The following TGFB2 variants were observed in gnomAD, a reference collection of about 807,000 sequenced individuals.
TGFB2 encodes the protein transforming growth factor beta-2 proprotein.
A neutral mutation model predicts 42.7 loss-of-function variants in TGFB2; 13 were observed. The ratio of observed to expected loss-of-function variants is 0.30; its 90% CI spans 0.20 to 0.48. TGFB2 has a LOEUF of 0.48. Ranked by LOEUF, TGFB2 falls within the 20% of genes least tolerant of loss-of-function variation. The pLI is 0.99. For synonymous variants in TGFB2, 193 were observed against 193.6 expected (o/e 1.00, Z 0.03); for missense variants, 390 against 517.5 (o/e 0.75, Z 2.39).
chr1:218,346,738 C>G lies in TGFB2; in HGVS notation c.37C>G (p.His13Asp). Residue 13 changes from histidine to aspartate, a missense_variant, in exon 1 of 7, where the codon CAT (histidine) becomes GAT (aspartate). Physicochemically the swap from His to Asp is moderately conservative, Grantham distance 81. Coordinates refer to ENST00000366930, the MANE Select transcript of TGFB2 (RefSeq NM_003238.6). The surrounding 1 kb of genome is among the most constrained non-coding windows in gnomAD (Gnocchi z 4.9). ...YCVLSAFLIL[H>D]LVTVALSLST... ...TGTGCTGAGCGCTTTTCTGATCCTG[C>G]ATCTGGTCACGGTCGCGCTCAGCCT... The G allele has an allele frequency of 6.2e-7, 1 of 1,613,858 alleles. No homozygotes were observed. Among genetic ancestry groups the G allele is most frequent in the Non-Finnish European group, 8.5e-7 (1 of 1,179,964 alleles).
Position 218,399,764 on chromosome 1 carries a change from T to G in TGFB2, c.347-5405T>G, listed in dbSNP as rs28564283. 8.8e-3 allele frequency among the ~76,000 whole-genome samples: 1,333 copies of G among 152,036 alleles called. 19 individuals carry two copies. The highest frequency in any genetic ancestry group is 0.03 in the African/African-American group (1,234 of 41,462). On this transcript the variant is annotated intron_variant, in intron 1 of 6. Transcript: ENST00000366930. The stretch of plus-strand genomic sequence containing the variant: ...TTAGCTCCTCCTGTTCTTTCTCTCC[T>G]CTTCTAATTTGGTCTGTCAGGCTAT...
intron 1 of TGFB2, among the ~76,000 whole-genome samples, chr1:218,371,349 TTC>T (rs1657565300): frequency 6.6e-6 from 1 of 152,026 alleles, no homozygotes; most frequent in Admixed American, 6.6e-5. Context: ...AAGAAAAACT[TTC>T]TGTTTTGTGG....
chr1:218,370,738 C>A (rs544796297), intron 1 of TGFB2, among the ~76,000 whole-genome samples: 4 of 152,282 alleles, frequency 2.6e-5, no homozygotes, highest in Admixed American at 2.0e-4. Context: ...ATTCCAGGAC[C>A]AGGGCTTAGG....
In TGFB2 at chr1:218,347,066, T is replaced by G. The variant is rs1656711172; in HGVS notation, c.346+19T>G. The G allele has an allele frequency of 6.4e-7, 1 of 1,551,718 alleles. No individual in the cohort carries two copies. The highest frequency in any genetic ancestry group is 8.7e-7 in the Non-Finnish European group (1 of 1,147,476). ...TCCGAAAGTAAGTACTTATTTTGAC[T>G]TCCATCCCCTGAGGTTTAGCTCTGC... On this transcript the variant is annotated intron_variant, in intron 1 of 6. Coordinates refer to ENST00000366930, the MANE Select transcript of TGFB2 (RefSeq NM_003238.6).
intron 1 of TGFB2, among the ~76,000 whole-genome samples, chr1:218,381,258 G>GTTTTTTTT (rs11405199): frequency 1.5e-5 from 2 of 137,744 alleles, no homozygotes; most frequent in Non-Finnish European, 3.1e-5. Flanking sequence ...TTTTGTTTTT[G>GTTTTTTTT]TTTTTTTTTT....
chr1:218,352,047 G>GGT (rs1309548149), intron 1 of TGFB2, among the ~76,000 whole-genome samples: 1 of 152,066 alleles, frequency 6.6e-6, no homozygotes, highest in Non-Finnish European at 1.5e-5. Context: ...CCCTGGGAGA[G>GGT]GTGTGCAGGG....
intron 2 of TGFB2, among the ~76,000 whole-genome samples, chr1:218,405,778 A>T (rs1006772729): frequency 6.6e-6 from 1 of 152,138 alleles, no homozygotes; most frequent in Non-Finnish European, 1.5e-5. Flanking sequence ...CACAATCGTG[A>T]TATAGGCCCT....
chr1:218,440,182 C>T (rs761890350), intron 6 of TGFB2, among the ~76,000 whole-genome samples: 1 of 152,058 alleles, frequency 6.6e-6, no homozygotes, highest in Non-Finnish European at 1.5e-5. Context: ...TACCATTTAC[C>T]GCATAGGTTA....
Position 218,431,538 on chromosome 1 carries a change from A to G in TGFB2, c.511-2544A>G, listed in dbSNP as rs560844617. On this transcript the variant is annotated intron_variant, in intron 2 of 6. Coordinates refer to ENST00000366930, the MANE Select transcript of TGFB2 (RefSeq NM_003238.6). Reference sequence around the variant, plus strand: ...TATGTATATGTCATAGACATTTGACATGTATATCATAAGTAATTAATTCAG... The same window carrying G: ...TATGTATATGTCATAGACATTTGACGTGTATATCATAAGTAATTAATTCAG... 2.0e-5 allele frequency among the ~76,000 whole-genome samples: 3 copies of G among 152,360 alleles called. No homozygotes were observed. The South Asian group carries it at 6.2e-4, about 32-fold the overall frequency.
chr1:218,365,515 G>A (rs531003790), intron 1 of TGFB2, among the ~76,000 whole-genome samples: 5 of 152,252 alleles, frequency 3.3e-5, no homozygotes, highest in Non-Finnish European at 7.3e-5. Context: ...GTGTCTGAGG[G>A]TGTGGAAGGG....
At chr1:218,384,265 T>A (rs1321857719) in intron 1 of TGFB2, among the ~76,000 whole-genome samples, 1 of 152,236 alleles carries the variant, frequency 6.6e-6, no homozygotes, top group Non-Finnish European at 1.5e-5. Context: ...AGTAGCTATG[T>A]ATGTAGGAAT....
chr1:218,403,813 T>C (rs1349774065), intron 1 of TGFB2, among the ~76,000 whole-genome samples: 1 of 151,988 alleles, frequency 6.6e-6, no homozygotes, highest in African/African-American at 2.4e-5. Context: ...AGTCAGATAA[T>C]TGAAGAGTGG....
intron 1 of TGFB2, among the ~76,000 whole-genome samples, chr1:218,361,385 A>T (rs1487599351): frequency 6.6e-6 from 1 of 152,204 alleles, no homozygotes; most frequent in African/African-American, 2.4e-5. Context: ...CATACTTGAG[A>T]ACTGCAGGCT....
In TGFB2 at chr1:218,346,633, T is replaced by C. The variant is rs1571820377; in HGVS notation, c.-69T>C. 7.3e-7 allele frequency: 1 copy of C among 1,376,602 alleles called. No homozygotes were observed. 85.3% of individuals were successfully genotyped at this position (1,376,602 alleles called of 1,614,324 possible). A position where few individuals can be genotyped will look rare whatever the true frequency, so the allele number is the denominator to read the frequency against. On this transcript the variant is annotated 5_prime_UTR_variant, in exon 1 of 7. Coordinates refer to ENST00000366930, the MANE Select transcript of TGFB2 (RefSeq NM_003238.6). This position sits in a 1 kb window ranked among gnomAD's most constrained non-coding sequence, Gnocchi z 4.9. ...AAACAACTCTCCTTGATCTATACTT[T>C]GAGAATTGTTGATTTCTTTTTTTTA...
chr1:218,436,773 G>A (rs1659984892), intron 5 of TGFB2, among the ~76,000 whole-genome samples: 1 of 152,194 alleles, frequency 6.6e-6, no homozygotes, highest in South Asian at 2.1e-4. Context: ...CAAAATGTCA[G>A]AGGCCATGAG....
Position 218,444,528 on chromosome 1 carries a change from T to A in TGFB2, c.*3166T>A, listed in dbSNP as rs1444089903. 1 of 152,164 alleles carries A rather than the reference T, an allele frequency of 6.6e-6. No homozygotes were observed. Among genetic ancestry groups the A allele is most frequent in the Non-Finnish European group, 1.5e-5 (1 of 68,016 alleles). 9.4% of individuals were successfully genotyped at this position (152,164 alleles called of 1,614,324 possible). ...AAAAACCCACCCTATTTCCTCCAAT[T>A]TTTTTGGCTGCTACCTACAAGACCA... is the stretch of plus-strand genomic sequence containing the variant. On this transcript the variant is annotated 3_prime_UTR_variant, in exon 7 of 7. Coordinates refer to ENST00000366930, the MANE Select transcript of TGFB2 (RefSeq NM_003238.6).
chr1:218,369,310 C>T (rs1362776734), intron 1 of TGFB2, among the ~76,000 whole-genome samples: 2 of 136,478 alleles, frequency 1.5e-5, no homozygotes, highest in Non-Finnish European at 3.1e-5. Flanking sequence ...GTTGAATGGC[C>T]AAGGTGGAAG....
chr1:218,434,543 T>C, intron 4 of TGFB2, 95 bp downstream of exon 4: 1 of 762,124 alleles, frequency 1.3e-6, no homozygotes, highest in South Asian at 1.7e-5. Flanking sequence ...AAAATGAGAC[T>C]GGTAAGGCCT....
intron 2 of TGFB2, among the ~76,000 whole-genome samples, chr1:218,418,986 G>T (rs1659368519): frequency 6.6e-6 from 1 of 152,090 alleles, no homozygotes; most frequent in Non-Finnish European, 1.5e-5. Flanking sequence ...GCATGAAAAT[G>T]GACTAATACA....
Sources: gnomAD v4.1 joint callset for allele counts (sites outside exome capture counted in the v4.1 genomes callset) on GRCh38, gnomAD v4.1.1 for gene constraint, Gnocchi (gnomAD v3.1) non-coding constraint, MANE v1.5 for transcripts, NCBI Gene and HGNC (gene_info 2026-07-23, HGNC 2026-07-21) for gene names.